The following YAF2 variants were observed in gnomAD, a reference collection of about 807,000 sequenced individuals.
The protein encoded by YAF2 is YY1 associated factor 2.
YAF2 carries 7 observed loss-of-function variants against 20.1 expected under a neutral mutation model. The observed-to-expected ratio is 0.35, with a 90% CI of 0.20 to 0.65. YAF2 has a LOEUF of 0.65. YAF2 is among the 30% of genes least tolerant of loss of function. YAF2 has a pLI of 0.69. For missense variants in YAF2, 151 were observed against 219.2 expected, an observed-to-expected ratio of 0.69 and a Z score of 1.96; for synonymous variants, 74 against 76.0, an observed-to-expected ratio of 0.97 and a Z score of 0.14.
intron 2 of YAF2, among the ~76,000 whole-genome samples, chr12:42,220,122 C>T (rs2067472422): frequency 1.3e-5 from 2 of 152,064 alleles, no homozygotes; most frequent in Non-Finnish European, 2.9e-5. Flanking sequence ...ACTTTTTTCC[C>T]ATTCTTCCAA....
chr12:42,188,447 A>G (rs2066529745), intron 2 of YAF2, among the ~76,000 whole-genome samples: 1 of 144,274 alleles, frequency 6.9e-6, no homozygotes, highest in Non-Finnish European at 1.5e-5. Context: ...GTGCAGTGGT[A>G]CAATCTTGGC....
At chr12:42,192,238 T>A (rs1186695239) in intron 2 of YAF2, among the ~76,000 whole-genome samples, 1 of 151,992 alleles carries the variant, frequency 6.6e-6, no homozygotes, top group East Asian at 1.9e-4. Flanking sequence ...CTGAGCATCG[T>A]GGCACATGCC....
intron 2 of YAF2, among the ~76,000 whole-genome samples, chr12:42,166,516 T>C (rs777196655): frequency 2.0e-5 from 3 of 152,248 alleles, no homozygotes; most frequent in Non-Finnish European, 4.4e-5. Flanking sequence ...AAATATTGCA[T>C]GATAAAATCC....
At chr12:42,214,257 C>T (rs755233664) in intron 2 of YAF2, among the ~76,000 whole-genome samples, 14 of 152,290 alleles carry the variant, frequency 9.2e-5, no homozygotes, top group Middle Eastern at 3.4e-3. Flanking sequence ...TTAACTACAA[C>T]TCTTTCACAA....
intron 2 of YAF2, among the ~76,000 whole-genome samples, chr12:42,206,837 A>C (rs906560170): frequency 6.6e-6 from 1 of 152,178 alleles, no homozygotes; most frequent in Non-Finnish European, 1.5e-5. Context: ...GAAGCACAAT[A>C]AAGTTCTCTT....
At chr12:42,238,044 G>C in intron 1 of YAF2, 111 bp downstream of exon 1, 2 of 930,540 alleles carry the variant, frequency 2.1e-6, no homozygotes, top group Non-Finnish European at 2.8e-6. Context: ...CAGCGGCGCT[G>C]CCCCCGTGCT....
Position 42,228,656 on chromosome 12 carries a change from TG to T in YAF2, c.152+8942del, listed in dbSNP as rs71434397. ...CCAGCCGCCCCGTCCGGGAGGGAGGTGGGGGGGGGGTCAGCCCCCCTGCCCG... is the reference window on the plus strand; with the variant it reads ...CCAGCCGCCCCGTCCGGGAGGGAGGTGGGGGGGGGTCAGCCCCCCTGCCCG... On this transcript the variant is annotated intron_variant, in intron 2 of 3. Transcript: ENST00000534854. Among the ~76,000 whole-genome samples the T allele has an allele frequency of 9.1e-3, 165 of 18,150 alleles. 2 individuals are homozygous for T. The highest frequency in any genetic ancestry group is 0.03 in the African/African-American group (114 of 3,756). The allele number at this position is 18,150 out of a possible 152,430, so 11.9% of individuals were successfully genotyped here. A position where few individuals can be genotyped will look rare whatever the true frequency, so the allele number is the denominator to read the frequency against.
chr12:42,227,910 C>T (rs1311076705), intron 2 of YAF2, among the ~76,000 whole-genome samples: 5 of 142,088 alleles, frequency 3.5e-5, no homozygotes, highest in African/African-American at 7.9e-5. Flanking sequence ...TCTGCCCGGC[C>T]GCCCCTACTG....
chr12:42,223,332 A>ACACACACACACG (rs55985981), intron 2 of YAF2, among the ~76,000 whole-genome samples: 2 of 47,068 alleles, frequency 4.2e-5, no homozygotes, highest in African/African-American at 1.7e-4. Flanking sequence ...TAAAATACAT[A>ACACACACACACG]CACACACACA....
chr12:42,161,789 G>A (rs750761529), intron 2 of YAF2, 24 bp from the exon 3 acceptor site: 4 of 1,575,994 alleles, frequency 2.5e-6, no homozygotes, highest in Non-Finnish European at 2.6e-6. Context: ...AAAAAGAAAG[G>A]TATTTTAAAT....
At chr12:42,198,564 C>T (rs2066815187) in intron 2 of YAF2, among the ~76,000 whole-genome samples, 1 of 152,084 alleles carries the variant, frequency 6.6e-6, no homozygotes, top group Admixed American at 6.6e-5. Context: ...CCAGCCTGGG[C>T]AATACAGCGA....
intron 2 of YAF2, among the ~76,000 whole-genome samples, chr12:42,194,314 C>T (rs1470203016): frequency 6.6e-6 from 1 of 152,168 alleles, no homozygotes; most frequent in Non-Finnish European, 1.5e-5. Flanking sequence ...CAACCTCCAG[C>T]CTTGCAAGCT....
chr12:42,212,644 T>C (rs1047720861), intron 2 of YAF2, among the ~76,000 whole-genome samples: 1 of 152,212 alleles, frequency 6.6e-6, no homozygotes, highest in Non-Finnish European at 1.5e-5. Flanking sequence ...GTAATTCTAA[T>C]GAAAATCTTT....
At chr12:42,233,434 TAA>T in intron 2 of YAF2, 1 of 981,342 alleles carries the variant, frequency 1.0e-6, no homozygotes, top group South Asian at 4.7e-5. Context: ...ACACCAGTCT[TAA>T]ATTAATCATC....
Position 42,193,632 on chromosome 12 carries a change from G to A in YAF2, c.153-31867C>T, listed in dbSNP as rs146482342. Among the ~76,000 whole-genome samples the A allele has an allele frequency of 1.3e-3, 200 of 152,078 alleles. 2 individuals carry two copies. Among genetic ancestry groups the A allele is most frequent in the African/African-American group, 4.4e-3 (184 of 41,470 alleles). On this transcript the variant is annotated intron_variant, in intron 2 of 3. Transcript: ENST00000534854. ...AGTGATCCTCCCACCTCAGCCTCCT[G>A]AGTAGCTAGGACTACAGATGCATGA...
intron 2 of YAF2, among the ~76,000 whole-genome samples, chr12:42,202,224 ATTAG>A (rs1462042972): frequency 7.9e-5 from 12 of 152,036 alleles, no homozygotes; most frequent in Admixed American, 5.9e-4. Flanking sequence ...TGAACTCTCT[ATTAG>A]TTTGTCTTTT....
At chr12:42,214,022 A>G (rs566640911) in intron 2 of YAF2, among the ~76,000 whole-genome samples, 19 of 152,316 alleles carry the variant, frequency 1.2e-4, no homozygotes, top group Admixed American at 1.2e-3. Context: ...CTGCCAGTCC[A>G]TTCTCCTTAC....
At chr12:42,178,913 T>G (rs371151577) in intron 2 of YAF2, among the ~76,000 whole-genome samples, 1 of 151,616 alleles carries the variant, frequency 6.6e-6, no homozygotes, top group African/African-American at 2.4e-5. Context: ...TTTAGCCAGG[T>G]GTGGTGGTGC....
chr12:42,183,012 C>G lies in YAF2; in HGVS notation c.153-21247G>C, dbSNP rs555298322. Among the ~76,000 whole-genome samples, 9 of 152,116 alleles carry G rather than the reference C, an allele frequency of 5.9e-5. No homozygotes were observed. The East Asian group carries it at 1.5e-3, about 26-fold the overall frequency. ...CAGCATGTAAAAGTTGTCTCTGTGT[C>G]GCATTTTGGTAATTCATAAAATGTT... On this transcript the variant is annotated intron_variant, in intron 2 of 3. Transcript: ENST00000534854.
Sources: allele counts gnomAD v4.1 joint callset (sites outside exome capture counted in the v4.1 genomes callset), GRCh38; gene constraint gnomAD v4.1.1; transcripts MANE v1.5; gene names NCBI Gene and HGNC (gene_info 2026-07-23, HGNC 2026-07-21).